Variants in ZC3H4 observed in about 807,000 individuals in gnomAD.
ZC3H4 encodes the protein zinc finger CCCH domain-containing protein 4.
A neutral mutation model predicts 108.3 loss-of-function variants in ZC3H4; 13 were observed. That is an observed-to-expected ratio of 0.12 (90% CI 0.08 to 0.19). The LOEUF (loss-of-function observed/expected upper bound fraction) is 0.19, where lower values mean the gene tolerates loss of function less well. ZC3H4 is among the 10% of genes least tolerant of loss of function. The probability of loss-of-function intolerance (pLI) is 1.00; values close to 1 mark genes in which losing one functional copy is unlikely to be tolerated. For missense variants in ZC3H4, 1,734 were observed against 1,838.8 expected (o/e 0.94, Z 1.04); for synonymous variants, 917 against 749.6 (o/e 1.22, Z -3.65).
At chr19:47,070,458 T>C (rs972403817) in intron 13 of ZC3H4, among the ~76,000 whole-genome samples, 1 of 151,986 alleles carries the variant, frequency 6.6e-6, no homozygotes, top group African/African-American at 2.4e-5. Flanking sequence ...AGAGGGAGGA[T>C]TTTATGAAAT....
intron 2 of ZC3H4, 85 bp downstream of exon 2, chr19:47,112,339 C>A (rs974295451): frequency 1.7e-6 from 2 of 1,206,640 alleles, no homozygotes; most frequent in Middle Eastern, 3.1e-4. Flanking sequence ...CTCCGCGGCC[C>A]GGCCCAACAT....
At chr19:47,070,259 G>A (rs1432853544) in intron 13 of ZC3H4, among the ~76,000 whole-genome samples, 1 of 152,182 alleles carries the variant, frequency 6.6e-6, no homozygotes, top group African/African-American at 2.4e-5. Context: ...TTAAAACGTG[G>A]TGTCTAGAAA....
intron 13 of ZC3H4, among the ~76,000 whole-genome samples, chr19:47,069,769 A>G (rs1419421349): frequency 6.6e-6 from 1 of 152,192 alleles, no homozygotes; most frequent in African/African-American, 2.4e-5. Flanking sequence ...CAGTAAGGAA[A>G]CACCATGCAT....
intron 2 of ZC3H4, among the ~76,000 whole-genome samples, chr19:47,099,584 T>C (rs1279062022): frequency 6.6e-6 from 1 of 152,112 alleles, no homozygotes; most frequent in Non-Finnish European, 1.5e-5. Flanking sequence ...CAAGCCATCC[T>C]GCTGACAAAA....
chr19:47,112,466 G>T lies in ZC3H4; in HGVS notation c.119C>A (p.Thr40Asn). The T allele has an allele frequency of 1.6e-6, 2 of 1,219,324 alleles. No homozygotes were observed. The highest frequency in any genetic ancestry group is 2.1e-6 in the Non-Finnish European group (2 of 969,906). 75.5% of individuals were successfully genotyped at this position (1,219,324 alleles called of 1,614,324 possible). Reference protein sequence around the residue: ...PPCSPDARPATPHLLHHRLPL... With the variant: ...PPCSPDARPANPHLLHHRLPL... The stretch of plus-strand genomic sequence containing the variant: ...GAGGCGGTGGTGGAGGAGGTGCGGG[G>T]TGGCCGGGCGGGCGTCGGGGGAACA... The change falls in exon 2 of 15, where the codon ACC becomes AAC. Residue 40 changes from threonine to asparagine, a missense_variant. Physicochemically the swap from Thr to Asn is moderately conservative, Grantham distance 65. This residue lies in a region of ZC3H4 where 112 missense variants were observed against 73.3 expected (regional missense o/e 1.53). Coordinates refer to ENST00000253048, the MANE Select transcript of ZC3H4 (RefSeq NM_015168.2).
chr19:47,095,049 C>T (rs1435500192), intron 2 of ZC3H4, among the ~76,000 whole-genome samples: 2 of 152,226 alleles, frequency 1.3e-5, no homozygotes, highest in Non-Finnish European at 2.9e-5. Context: ...CACTTCTAAA[C>T]CTTGCTTGAC....
intron 13 of ZC3H4, among the ~76,000 whole-genome samples, chr19:47,070,552 A>G (rs1306207428): frequency 6.6e-6 from 1 of 152,172 alleles, no homozygotes; most frequent in African/African-American, 2.4e-5. Context: ...TGCACCTTTT[A>G]GACGCATTTG....
intron 11 of ZC3H4, among the ~76,000 whole-genome samples, chr19:47,076,391 T>C (rs1175494564): frequency 6.6e-6 from 1 of 152,198 alleles, no homozygotes. Flanking sequence ...ATTTATATGA[T>C]TTGCTTGAAA....
intron 2 of ZC3H4, chr19:47,096,724 G>C: frequency 2.4e-6 from 2 of 845,962 alleles, no homozygotes; most frequent in Non-Finnish European, 2.8e-6. Context: ...GTCTAGAAGG[G>C]ATAAAGCTGA....
rs753107100 is a variant in ZC3H4, at chr19:47,081,662, C to A, written c.1331-40G>T. The A allele has an allele frequency of 1.9e-6, 3 of 1,538,786 alleles. No individual in the cohort carries two copies. The Admixed American group carries it at 5.0e-5, about 26-fold the overall frequency. ...AAGGTAAATGCTTCATCTCACAGAA[C>A]GCCCCCCTCCCCCACCACAGACCCA... On this transcript the variant is annotated intron_variant, in intron 10 of 14. Coordinates refer to ENST00000253048, the MANE Select transcript of ZC3H4 (RefSeq NM_015168.2).
Position 47,085,112 on chromosome 19 carries a change from C to T in ZC3H4, c.1051G>A (p.Gly351Arg), listed in dbSNP as rs750316532. 8 of 1,614,126 alleles carry T rather than the reference C, an allele frequency of 5.0e-6. No individual in the cohort carries two copies. In the East Asian group the frequency reaches 1.3e-4, roughly 27 times the overall value. ...RGRGRGGSRG[G>R]MNKGGMNDDE... Reference sequence around the variant, plus strand: ...TCGTTCATTCCGCCCTTGTTCATCCCTCCTCGGCTGCCACCTCGGCCTCGG... The same window carrying T: ...TCGTTCATTCCGCCCTTGTTCATCCTTCCTCGGCTGCCACCTCGGCCTCGG... The change falls in exon 8 of 15, where the codon GGG becomes AGG. Residue 351 changes from glycine (G) to arginine (R), a missense_variant. Transcript: ENST00000253048.
Position 47,069,360 on chromosome 19 carries a change from C to G in ZC3H4, c.2147-17G>C. On this transcript the variant is annotated splice_polypyrimidine_tract_variant and intron_variant, in intron 13 of 14. Transcript: ENST00000253048. ...CGTAGTCCTCTGTGGCAGGGAAGAACCGAGGGTTCATGTCGGGAAGGGCCT... is the reference window on the plus strand; with the variant it reads ...CGTAGTCCTCTGTGGCAGGGAAGAAGCGAGGGTTCATGTCGGGAAGGGCCT... 6.2e-7 allele frequency: 1 copy of G among 1,608,476 alleles called. No individual in the cohort carries two copies. The highest frequency in any genetic ancestry group is 8.5e-7 in the Non-Finnish European group (1 of 1,177,734).
chr19:47,095,687 A>G (rs190509807), intron 2 of ZC3H4, among the ~76,000 whole-genome samples: 1 of 152,184 alleles, frequency 6.6e-6, no homozygotes, highest in Non-Finnish European at 1.5e-5. Context: ...GGGAGGCTGG[A>G]AAAAGAATCC....
At chr19:47,110,220 G>C (rs2058020574) in intron 2 of ZC3H4, among the ~76,000 whole-genome samples, 1 of 152,094 alleles carries the variant, frequency 6.6e-6, no homozygotes, top group Non-Finnish European at 1.5e-5. Flanking sequence ...GGGGAGTGGG[G>C]GGGAGGGGAA....
chr19:47,110,880 G>A (rs1431363953), intron 2 of ZC3H4: 2 of 982,920 alleles, frequency 2.0e-6, no homozygotes, highest in African/African-American at 1.8e-5. Flanking sequence ...AAAAAAAAAT[G>A]TTGTAAAAGC....
In ZC3H4 at chr19:47,113,706, A is replaced by T. The variant is rs1455428446; in HGVS notation, c.-6+14T>A. 2 of 146,928 alleles carry T rather than the reference A, an allele frequency of 1.4e-5. No individual in the cohort carries two copies. Among genetic ancestry groups the T allele is most frequent in the African/African-American group, 4.9e-5 (2 of 40,534 alleles). The allele number at this position is 146,928 out of a possible 1,614,324, so 9.1% of individuals were successfully genotyped here. On this transcript the variant is annotated intron_variant, in intron 1 of 14. Coordinates refer to ENST00000253048, the MANE Select transcript of ZC3H4 (RefSeq NM_015168.2). Reference sequence around the variant, plus strand: ...GAAGGAATTCAGGCTACGGAGAGGGAAAAAAAAAATAACCGAAAGCTGGAG... The same window carrying T: ...GAAGGAATTCAGGCTACGGAGAGGGTAAAAAAAAATAACCGAAAGCTGGAG...
chr19:47,084,586 G>C, intron 8 of ZC3H4, 131 bp from the exon 9 acceptor site: 2 of 846,124 alleles, frequency 2.4e-6, no homozygotes, highest in East Asian at 2.7e-5. Flanking sequence ...CGATGGGCAG[G>C]CTGCATCTAA....
At chr19:47,085,949 C>T (rs2057613309) in intron 6 of ZC3H4, among the ~76,000 whole-genome samples, 1 of 152,066 alleles carries the variant, frequency 6.6e-6, no homozygotes, top group Non-Finnish European at 1.5e-5. Flanking sequence ...CTGCAACCTC[C>T]ACCTCCCGGG....
At chr19:47,111,918 A>C (rs991618670) in intron 2 of ZC3H4, among the ~76,000 whole-genome samples, 1 of 152,000 alleles carries the variant, frequency 6.6e-6, no homozygotes, top group Non-Finnish European at 1.5e-5. Flanking sequence ...GAGACCCCCA[A>C]CCCCAAACCC....
Sources: allele counts gnomAD v4.1 joint callset (sites outside exome capture counted in the v4.1 genomes callset), GRCh38; gene constraint gnomAD v4.1.1; regional missense constraint gnomAD v4.1.1; transcripts MANE v1.5; gene names NCBI Gene and HGNC (gene_info 2026-07-23, HGNC 2026-07-21).